Variants in ZC3H12B observed in about 807,000 individuals in gnomAD.
The protein encoded by ZC3H12B is zinc finger CCCH-type containing 12B, also known as probable ribonuclease ZC3H12B.
Under a neutral mutation model 43.9 loss-of-function variants are expected in ZC3H12B, and 7 were observed. The ratio of observed to expected loss-of-function variants is 0.16; its 90% confidence interval spans 0.09 to 0.30. ZC3H12B has a LOEUF of 0.30. Ranked by LOEUF, ZC3H12B falls within the 10% of genes least tolerant of loss-of-function variation. The pLI is 1.00. For missense variants in ZC3H12B, 475 were observed against 670.2 expected (o/e 0.71, Z 3.22); for synonymous variants, 222 against 241.7 (o/e 0.92, Z 0.76).
At chrX:65,308,389 C>A in the ZC3H12B span, among the ~76,000 whole-genome samples, 1 of 110,669 alleles carries the variant, frequency 9.0e-6, no homozygotes, top group African/African-American at 3.3e-5. Context: ...TCAAAAGAGA[C>A]AAGACCATTA....
At chrX:65,362,811 T>C (rs188347463), upstream of ZC3H12B, among the ~76,000 whole-genome samples, 2 of 111,219 alleles carry the variant, frequency 1.8e-5, no homozygotes, top group Non-Finnish European at 3.8e-5. Context: ...TTCCAAAAAC[T>C]AGACAAGCCT....
intron 3 of ZC3H12B, among the ~76,000 whole-genome samples, chrX:65,448,510 A>G (rs2067411825): frequency 9.0e-6 from 1 of 111,485 alleles, no homozygotes; most frequent in Non-Finnish European, 1.9e-5. Flanking sequence ...GCCCATCAAC[A>G]AATGTGTGGA....
At chrX:65,217,144 C>G in the ZC3H12B span, among the ~76,000 whole-genome samples, 19 of 111,866 alleles carry the variant, frequency 1.7e-4, no homozygotes, top group Non-Finnish European at 3.2e-4. Context: ...AAAAGCAAAA[C>G]TTTGTCTGGG....
chrX:65,327,763 C>T, the ZC3H12B span, among the ~76,000 whole-genome samples: 2 of 111,557 alleles, frequency 1.8e-5, no homozygotes, highest in Non-Finnish European at 3.8e-5. Flanking sequence ...GTTTCTCTGT[C>T]GTCCATCACT....
the ZC3H12B span, among the ~76,000 whole-genome samples, chrX:65,146,506 G>C: frequency 0.12 from 13,580 of 110,972 alleles, 2,018 homozygotes; most frequent in African/African-American, 0.42. Context: ...TGATGAGCTA[G>C]TGTGATTTTT....
At chrX:65,164,069 G>C in the ZC3H12B span, among the ~76,000 whole-genome samples, 1 of 112,063 alleles carries the variant, frequency 8.9e-6, no homozygotes, top group Middle Eastern at 4.6e-3. Context: ...GAAAACCACA[G>C]GTGTTGCAAC....
chrX:65,204,591 C>A, the ZC3H12B span, among the ~76,000 whole-genome samples: 1 of 111,571 alleles, frequency 9.0e-6, no homozygotes, highest in Non-Finnish European at 1.9e-5. Flanking sequence ...TGTGGATGTT[C>A]TTTTCCCTGG....
chrX:65,454,414 C>T (rs966421118), intron 3 of ZC3H12B, among the ~76,000 whole-genome samples: 9 of 112,223 alleles, frequency 8.0e-5, no homozygotes, highest in Middle Eastern at 4.6e-3. Context: ...AACTGCAAGG[C>T]GGCAGTGAGG....
intron 3 of ZC3H12B, among the ~76,000 whole-genome samples, chrX:65,400,044 G>C: frequency 9.0e-6 from 1 of 111,170 alleles, no homozygotes; most frequent in East Asian, 2.8e-4. Flanking sequence ...TGGTAGTCGG[G>C]GGATAGGGAA....
the ZC3H12B span, among the ~76,000 whole-genome samples, chrX:65,068,265 T>C: frequency 1.8e-5 from 2 of 110,587 alleles, no homozygotes; most frequent in African/African-American, 6.6e-5. Context: ...ACTCCTGCCA[T>C]TTTGTTGTTT....
chrX:65,147,828 G>A, the ZC3H12B span, among the ~76,000 whole-genome samples: 13 of 110,454 alleles, frequency 1.2e-4, no homozygotes, highest in Non-Finnish European at 2.1e-4. Flanking sequence ...TCCTGGGTCT[G>A]TGGGGGCTTA....
chrX:65,154,756 G>C, the ZC3H12B span, among the ~76,000 whole-genome samples: 2 of 111,227 alleles, frequency 1.8e-5, no homozygotes, highest in African/African-American at 3.3e-5. Context: ...TGAGGCAGAA[G>C]ATCATTTCAG....
chrX:65,096,846 A>G, the ZC3H12B span, among the ~76,000 whole-genome samples: 1 of 111,806 alleles, frequency 8.9e-6, no homozygotes, highest in South Asian at 3.7e-4. Flanking sequence ...TTGAAAATAT[A>G]TTAATAACTA....
At chrX:65,332,509 A>G in the ZC3H12B span, among the ~76,000 whole-genome samples, 1 of 111,893 alleles carries the variant, frequency 8.9e-6, no homozygotes, top group South Asian at 3.8e-4. Context: ...AAGACATTCC[A>G]TGAACTGTGC....
At chrX:65,192,929 A>G in the ZC3H12B span, among the ~76,000 whole-genome samples, 1 of 109,978 alleles carries the variant, frequency 9.1e-6, no homozygotes. Context: ...GCGTGCCACC[A>G]CCCCCAGCTA....
the ZC3H12B span, among the ~76,000 whole-genome samples, chrX:65,102,664 G>A: frequency 9.0e-6 from 1 of 111,548 alleles, no homozygotes; most frequent in African/African-American, 3.3e-5. Flanking sequence ...AAATACCTAG[G>A]AATACAACTT....
the ZC3H12B span, among the ~76,000 whole-genome samples, chrX:65,191,912 T>G: frequency 9.6e-6 from 1 of 103,925 alleles, no homozygotes; most frequent in African/African-American, 3.5e-5. Flanking sequence ...ATTTTGGATC[T>G]TTCCTGCTTT....
At chrX:65,242,703 G>A in the ZC3H12B span, among the ~76,000 whole-genome samples, 1 of 112,074 alleles carries the variant, frequency 8.9e-6, no homozygotes, top group Non-Finnish European at 1.9e-5. Flanking sequence ...AAAGCTGGAA[G>A]CATCATATTA....
intron 3 of ZC3H12B, among the ~76,000 whole-genome samples, chrX:65,409,290 A>T (rs367947468): frequency 9.0e-6 from 1 of 110,907 alleles, no homozygotes; most frequent in Admixed American, 9.6e-5. Flanking sequence ...AAACTGAAAA[A>T]AAAATAAAAA....
Sources: gnomAD v4.1 joint callset for allele counts (sites outside exome capture counted in the v4.1 genomes callset) on GRCh38, gnomAD v4.1.1 for gene constraint, MANE v1.5 for transcripts, NCBI Gene and HGNC (gene_info 2026-07-23, HGNC 2026-07-21) for gene names.